SGCD: variants seen among roughly 807,000 people sequenced by gnomAD.
SGCD encodes sarcoglycan delta, also known as delta-sarcoglycan.
SGCD carries 18 observed loss-of-function variants against 36.6 expected under a neutral mutation model. That is an observed-to-expected ratio of 0.49 (90% CI 0.34 to 0.73). The LOEUF (loss-of-function observed/expected upper bound fraction) is 0.73. SGCD is among the 30% of genes least tolerant of loss of function. The pLI, the probability that SGCD is intolerant of heterozygous loss-of-function variation, is 0.01. For synonymous variants in SGCD, 133 were observed against 130.6 expected (o/e 1.02, Z -0.12); for missense variants, 387 against 346.7 (o/e 1.12, Z -0.92).
chr5:156,435,563 A>G (rs1753206339), intron 3 of SGCD, among the ~76,000 whole-genome samples: 1 of 152,218 alleles, frequency 6.6e-6, no homozygotes, highest in South Asian at 2.1e-4. Flanking sequence ...TTTAGATATC[A>G]GCTGTTGCTA....
At chr5:156,140,662 G>C (rs1762558494) in intron 3 of SGCD, among the ~76,000 whole-genome samples, 1 of 151,926 alleles carries the variant, frequency 6.6e-6, no homozygotes, top group South Asian at 2.1e-4. Context: ...TATGAGAATA[G>C]AAAAAATGAG....
chr5:155,951,581 T>C (rs1168769406), intron 1 of SGCD, among the ~76,000 whole-genome samples: 1 of 152,210 alleles, frequency 6.6e-6, no homozygotes, highest in Non-Finnish European at 1.5e-5. Context: ...GTCACATAGG[T>C]GTGCTCATGT....
At chr5:156,356,850 A>G (rs1769518762) in intron 3 of SGCD, among the ~76,000 whole-genome samples, 1 of 152,194 alleles carries the variant, frequency 6.6e-6, no homozygotes, top group Non-Finnish European at 1.5e-5. Flanking sequence ...AATTTGACAC[A>G]GAAGAGGAGG....
intron 1 of SGCD, among the ~76,000 whole-genome samples, chr5:155,970,413 C>T (rs940797799): frequency 2.0e-5 from 3 of 152,122 alleles, no homozygotes; most frequent in South Asian, 4.2e-4. Context: ...GATGAATATC[C>T]GATGTGAATT....
chr5:155,731,559 G>A, the SGCD span, among the ~76,000 whole-genome samples: 1 of 152,218 alleles, frequency 6.6e-6, no homozygotes, highest in African/African-American at 2.4e-5. Flanking sequence ...ACCCATTGGA[G>A]ATGACACAAG....
In SGCD at chr5:156,054,974, A is replaced by G. The variant is rs889655859; in HGVS notation, c.-281-62904A>G. Among the ~76,000 whole-genome samples the G allele has an allele frequency of 7.6e-5, 11 of 145,452 alleles. 1 individual carries two copies. The highest frequency in any genetic ancestry group is 2.5e-4 in the African/African-American group (10 of 39,940). On this transcript the variant is annotated intron_variant, in intron 1 of 9. Coordinates refer to the SGCD transcript ENST00000517913. Reference sequence around the variant, plus strand: ...CTATTTTTTCACTCATTCAGTTTATAGGTGTGGTCCAAAAGGAAGCTGTTT... The same window carrying G: ...CTATTTTTTCACTCATTCAGTTTATGGGTGTGGTCCAAAAGGAAGCTGTTT...
chr5:156,407,850 G>A (rs1016585715), intron 3 of SGCD, among the ~76,000 whole-genome samples: 4 of 152,264 alleles, frequency 2.6e-5, no homozygotes, highest in African/African-American at 9.6e-5. Context: ...TGCCATTGTG[G>A]AGTGTTCAGG....
intron 1 of SGCD, among the ~76,000 whole-genome samples, chr5:156,006,170 G>GATAA (rs1758757955): frequency 6.6e-6 from 1 of 152,166 alleles, no homozygotes; most frequent in Non-Finnish European, 1.5e-5. Flanking sequence ...ATATGATACT[G>GATAA]TTGGAAAGAA....
intron 1 of SGCD, among the ~76,000 whole-genome samples, chr5:156,115,635 A>G (rs930362302): frequency 1.3e-5 from 2 of 152,046 alleles, no homozygotes; most frequent in Admixed American, 6.6e-5. Context: ...TTTCTTAGGT[A>G]TTGTTTGTAA....
intron 3 of SGCD, among the ~76,000 whole-genome samples, chr5:156,213,173 G>A (rs994040520): frequency 7.2e-5 from 11 of 151,856 alleles, no homozygotes; most frequent in African/African-American, 1.9e-4. Context: ...AAATGAGATC[G>A]AGACTAGAAA....
chr5:156,591,194 C>T (rs1464354237), intron 5 of SGCD, among the ~76,000 whole-genome samples: 1 of 152,108 alleles, frequency 6.6e-6, no homozygotes, highest in African/African-American at 2.4e-5. Flanking sequence ...GTGCTGGGTG[C>T]TGTACTTGTT....
chr5:156,328,443 G>A (rs1767913572), intron 1 of SGCD, among the ~76,000 whole-genome samples: 1 of 152,174 alleles, frequency 6.6e-6, no homozygotes, highest in Admixed American at 6.5e-5. Flanking sequence ...ACCTCTTAGG[G>A]TGGATCTCTG....
At chr5:155,809,270 A>G in the SGCD span, among the ~76,000 whole-genome samples, 1 of 152,214 alleles carries the variant, frequency 6.6e-6, no homozygotes, top group East Asian at 1.9e-4. Context: ...AGTGGTCACA[A>G]TGGGAAATAA....
chr5:155,875,052 G>A (rs1413844445), intron 1 of SGCD, among the ~76,000 whole-genome samples: 3 of 152,106 alleles, frequency 2.0e-5, no homozygotes, highest in Non-Finnish European at 4.4e-5. Flanking sequence ...TTGTGATATA[G>A]TCACACAATG....
the SGCD span, among the ~76,000 whole-genome samples, chr5:155,807,982 C>T: frequency 6.6e-6 from 1 of 152,128 alleles, no homozygotes; most frequent in African/African-American, 2.4e-5. Flanking sequence ...AATAAACTGG[C>T]TCTCTGGATA....
chr5:156,454,455 C>T (rs987218175), intron 3 of SGCD, among the ~76,000 whole-genome samples: 1 of 152,156 alleles, frequency 6.6e-6, no homozygotes, highest in African/African-American at 2.4e-5. Context: ...AACTTCTCCC[C>T]AAGATTTGGA....
At chr5:156,387,811 C>T (rs1223793513) in intron 3 of SGCD, among the ~76,000 whole-genome samples, 4 of 152,100 alleles carry the variant, frequency 2.6e-5, no homozygotes, top group Non-Finnish European at 2.9e-5. Flanking sequence ...GCCTTTGACA[C>T]AAAATAAAAT....
chr5:156,538,110 A>C (rs1190874044), intron 4 of SGCD, among the ~76,000 whole-genome samples: 1 of 151,724 alleles, frequency 6.6e-6, no homozygotes, highest in African/African-American at 2.4e-5. Context: ...ATTTGGAAAA[A>C]AAAAAATACC....
intron 3 of SGCD, among the ~76,000 whole-genome samples, chr5:156,229,401 C>CCTTAT (rs1475662789): frequency 6.7e-6 from 1 of 149,738 alleles, no homozygotes; most frequent in South Asian, 2.1e-4. Flanking sequence ...CTGAAAAAGA[C>CCTTAT]CTTATCTTTC....
Sources: allele counts gnomAD v4.1 joint callset (sites outside exome capture counted in the v4.1 genomes callset), GRCh38; gene constraint gnomAD v4.1.1; transcripts MANE v1.5; gene names NCBI Gene and HGNC (gene_info 2026-07-23, HGNC 2026-07-21).